The following SHC4 variants were observed in gnomAD, a reference collection of about 807,000 sequenced individuals.
SHC4 encodes SHC-transforming protein 4.
In SHC4, 41 loss-of-function variants were observed where a neutral mutation model predicts 69.4. The observed-to-expected ratio is 0.59, with a 90% CI of 0.46 to 0.77. The LOEUF (loss-of-function observed/expected upper bound fraction) is 0.77, where lower values mean the gene tolerates loss of function less well. Among genes scored for constraint, SHC4 ranks in the 30% least tolerant of loss-of-function variants. The probability of loss-of-function intolerance (pLI) is 0.00; values close to 1 mark genes in which losing one functional copy is unlikely to be tolerated. For synonymous variants in SHC4, 318 were observed against 299.3 expected (o/e 1.06, Z -0.64); for missense variants, 777 against 783.8 (o/e 0.99, Z 0.10).
At chr15:48,952,997 C>CA (rs1467865007) in intron 1 of SHC4, among the ~76,000 whole-genome samples, 1 of 152,128 alleles carries the variant, frequency 6.6e-6, no homozygotes, top group Non-Finnish European at 1.5e-5. Context: ...TTCACAATAG[C>CA]AAAGACATGG....
At chr15:48,956,578 C>T (rs778763095) in intron 1 of SHC4, among the ~76,000 whole-genome samples, 1 of 152,184 alleles carries the variant, frequency 6.6e-6, no homozygotes, top group African/African-American at 2.4e-5. Context: ...TCTTCCAACC[C>T]TGGCCTGCCC....
At chr15:48,850,545 T>G (rs1899190065) in intron 9 of SHC4, among the ~76,000 whole-genome samples, 1 of 152,194 alleles carries the variant, frequency 6.6e-6, no homozygotes, top group Non-Finnish European at 1.5e-5. Context: ...CTGCAAAACT[T>G]TCCTTCCTGA....
At chr15:48,957,116 T>A (rs1252045142) in intron 1 of SHC4, among the ~76,000 whole-genome samples, 1 of 151,382 alleles carries the variant, frequency 6.6e-6, no homozygotes, top group Non-Finnish European at 1.5e-5. Context: ...TAGCTGGGAG[T>A]ACAGGTGCAT....
intron 4 of SHC4, among the ~76,000 whole-genome samples, chr15:48,876,390 C>A (rs1204934025): frequency 6.6e-6 from 1 of 152,084 alleles, no homozygotes; most frequent in Non-Finnish European, 1.5e-5. Context: ...TTGAGCATTA[C>A]TTCCTGTATT....
intron 4 of SHC4, chr15:48,878,593 A>G (rs1899875943): frequency 6.2e-7 from 1 of 1,613,962 alleles, no homozygotes; most frequent in African/African-American, 1.3e-5. Flanking sequence ...TGAGAACAAG[A>G]GAACCAGCCC....
chr15:48,844,893 G>A (rs149676241), intron 9 of SHC4, among the ~76,000 whole-genome samples: 1 of 152,308 alleles, frequency 6.6e-6, no homozygotes, highest in African/African-American at 2.4e-5. Context: ...ATGTGGAAAT[G>A]TGAGTCCATT....
Position 48,846,122 on chromosome 15 carries a change from C to T in SHC4, c.1304-2534G>A, listed in dbSNP as rs186651327. ...AAAGTGATCCTCCTGCCTCAGCCTCCGGAGTCACTGGGATTACAGGTGTGA... is the reference window on the plus strand; with the variant it reads ...AAAGTGATCCTCCTGCCTCAGCCTCTGGAGTCACTGGGATTACAGGTGTGA... On this transcript the variant is annotated intron_variant, in intron 9 of 11. Transcript: ENST00000332408. Among the ~76,000 whole-genome samples, 10 of 152,122 alleles carry T rather than the reference C, an allele frequency of 6.6e-5. 1 individual carries two copies. Among genetic ancestry groups the T allele is most frequent in the African/African-American group, 2.2e-4 (9 of 41,508 alleles).
Position 48,962,488 on chromosome 15 carries a change from C to A in SHC4, c.528G>T (p.Arg176Ser). ...GGTGCTGTAGAAAGTGCCTGTCCTG[C>A]CTGCTCCTAAGTGTTGGCTCCCCAG... is the stretch of plus-strand genomic sequence containing the variant. Reference protein sequence around the residue: ...PGPGEPTLRSRQDRHFLQHLL... With the variant: ...PGPGEPTLRSSQDRHFLQHLL... Residue 176 changes from arginine to serine, a missense_variant, in exon 1 of 12, where the codon AGG (arginine) becomes AGT (serine). Physicochemically the swap from Arg to Ser is moderately radical, Grantham distance 110. Transcript: ENST00000332408. 1 of 1,550,854 alleles carries A rather than the reference C, an allele frequency of 6.4e-7. No homozygotes were observed. Among genetic ancestry groups the A allele is most frequent in the Non-Finnish European group, 8.7e-7 (1 of 1,150,084 alleles).
At chr15:48,915,182 T>C (rs1247440059) in intron 2 of SHC4, among the ~76,000 whole-genome samples, 1 of 152,242 alleles carries the variant, frequency 6.6e-6, no homozygotes, top group African/African-American at 2.4e-5. Flanking sequence ...GCTATATTTC[T>C]TGACTTTACA....
At chr15:48,908,997 G>C (rs1209961455) in intron 2 of SHC4, among the ~76,000 whole-genome samples, 1 of 152,124 alleles carries the variant, frequency 6.6e-6, no homozygotes, top group Non-Finnish European at 1.5e-5. Flanking sequence ...CTCCAGATTT[G>C]TTCTTTTTGT....
intron 1 of SHC4, among the ~76,000 whole-genome samples, chr15:48,927,034 T>C (rs913220347): frequency 1.3e-5 from 2 of 152,124 alleles, no homozygotes; most frequent in African/African-American, 4.8e-5. Context: ...AAGCCTTGGG[T>C]ACCTTAAGGA....
At chr15:48,902,931 G>T (rs752050304) in intron 2 of SHC4, among the ~76,000 whole-genome samples, 5 of 152,158 alleles carry the variant, frequency 3.3e-5, no homozygotes, top group Non-Finnish European at 5.9e-5. Context: ...ACAAGCTGCT[G>T]CCAGAGTTAT....
chr15:48,946,022 A>G (rs1445051248), intron 1 of SHC4: 1 of 152,174 alleles, frequency 6.6e-6, no homozygotes, highest in Non-Finnish European at 1.5e-5. Context: ...AAAATACTGC[A>G]TTTTTAGAAG....
At chr15:48,870,853 T>C (rs1899660673) in intron 5 of SHC4, among the ~76,000 whole-genome samples, 1 of 152,224 alleles carries the variant, frequency 6.6e-6, no homozygotes, top group African/African-American at 2.4e-5. Context: ...TTAAATGCTT[T>C]AGATGCCAGT....
rs1183284397 is a variant in SHC4, at chr15:48,829,739, T to C, written c.1738-3613A>G. Among the ~76,000 whole-genome samples the C allele has an allele frequency of 2.0e-5, 3 of 152,108 alleles. No homozygotes were observed. The East Asian group carries it at 5.8e-4, about 29-fold the overall frequency. On this transcript the variant is annotated intron_variant, in intron 11 of 11. Transcript: ENST00000332408. ...TTTGAGACCAGACTGGCGGACATGGTGAAACCTCGTCTCCACTAAAAATAT... is the reference window on the plus strand; with the variant it reads ...TTTGAGACCAGACTGGCGGACATGGCGAAACCTCGTCTCCACTAAAAATAT...
intron 2 of SHC4, among the ~76,000 whole-genome samples, chr15:48,919,199 T>C (rs1303338431): frequency 6.6e-6 from 1 of 151,900 alleles, no homozygotes; most frequent in Non-Finnish European, 1.5e-5. Context: ...TCCCCTCCAG[T>C]CAGCGTTTCC....
rs187661918 is a variant in SHC4, at chr15:48,908,446, A to T, written c.656+16433T>A. 4.5e-4 allele frequency among the ~76,000 whole-genome samples: 69 copies of T among 152,276 alleles called. 1 individual carries two copies. The highest frequency in any genetic ancestry group is 1.6e-3 in the African/African-American group (68 of 41,536). ...TTTGAGTTCATTGTAGATTCTGGAT[A>T]TTAGTCCTTTGTCAGATGTATAGAT... On this transcript the variant is annotated intron_variant, in intron 2 of 11. Transcript: ENST00000332408.
Position 48,914,873 on chromosome 15 carries a change from A to G in SHC4, c.656+10006T>C, listed in dbSNP as rs972181621. On this transcript the variant is annotated intron_variant, in intron 2 of 11. Transcript: ENST00000332408. ...CCATCTCCAGAACAGAACTTTTTCTATCTTCCCCAACTGAAACTCTATAAG... is the reference window on the plus strand; with the variant it reads ...CCATCTCCAGAACAGAACTTTTTCTGTCTTCCCCAACTGAAACTCTATAAG... Among the ~76,000 whole-genome samples the G allele has an allele frequency of 4.6e-5, 7 of 152,300 alleles. No homozygotes were observed. In the South Asian group the frequency reaches 1.0e-3, roughly 23 times the overall value.
intron 2 of SHC4, among the ~76,000 whole-genome samples, chr15:48,903,028 A>G (rs1900344391): frequency 6.6e-6 from 1 of 152,246 alleles, no homozygotes; most frequent in South Asian, 2.1e-4. Flanking sequence ...AATCATTTTC[A>G]GAGAATTTCT....
Sources: allele counts gnomAD v4.1 joint callset (sites outside exome capture counted in the v4.1 genomes callset), GRCh38; gene constraint gnomAD v4.1.1; transcripts MANE v1.5; gene names NCBI Gene and HGNC (gene_info 2026-07-23, HGNC 2026-07-21).